GNPDA1: variants seen among roughly 807,000 people sequenced by gnomAD.
GNPDA1 encodes the protein GNPDA 1.
Under a neutral mutation model 28.5 loss-of-function variants are expected in GNPDA1, and 24 were observed. The ratio of observed to expected loss-of-function variants is 0.84; its 90% CI spans 0.61 to 1.19. The LOEUF (loss-of-function observed/expected upper bound fraction) is 1.19. Among genes scored for constraint, GNPDA1 ranks in the 50% most tolerant of loss-of-function variants. The probability of loss-of-function intolerance (pLI) is 0.00; values close to 1 mark genes in which losing one functional copy is unlikely to be tolerated. For synonymous variants in GNPDA1, 147 were observed against 139.3 expected, an observed-to-expected ratio of 1.06 and a Z score of -0.39; for missense variants, 264 against 367.3, an observed-to-expected ratio of 0.72 and a Z score of 2.30.
At chr5:142,011,833 G>T in intron 2 of GNPDA1, 79 bp downstream of exon 2, 1 of 1,534,182 alleles carries the variant, frequency 6.5e-7, no homozygotes, top group Non-Finnish European at 9.0e-7. Context: ...TCCCTTGGCT[G>T]AGTGAGCCGG....
At chr5:142,011,747 G>T (rs1755961255) in intron 2 of GNPDA1, 165 bp downstream of exon 2, 1 of 652,100 alleles carries the variant, frequency 1.5e-6, no homozygotes, top group African/African-American at 1.8e-5. Context: ...AACCCATAAG[G>T]GAAGCTGGGT....
At chr5:142,004,205 G>A (rs369750698) in intron 5 of GNPDA1, among the ~76,000 whole-genome samples, 14 of 152,178 alleles carry the variant, frequency 9.2e-5, no homozygotes, top group African/African-American at 2.6e-4. Context: ...CCCACCCCAC[G>A]TACTGATTGA....
intron 2 of GNPDA1, among the ~76,000 whole-genome samples, chr5:142,010,872 CAT>C (rs1418540716): frequency 6.6e-6 from 1 of 151,768 alleles, no homozygotes; most frequent in Non-Finnish European, 1.5e-5. Flanking sequence ...TATTTTGTGA[CAT>C]GTGAAAATTA....
At chr5:142,010,515 T>TTTC (rs1561573673) in intron 2 of GNPDA1, among the ~76,000 whole-genome samples, 823 of 10,248 alleles carry the variant, frequency 0.08, 12 homozygotes, top group African/African-American at 0.12. Flanking sequence ...TTCTTTCTTT[T>TTTC]TTTTTTTTTT....
chr5:142,004,981 G>T lies in GNPDA1; in HGVS notation c.545C>A (p.Pro182His). Residue 182 changes from proline (P) to histidine (H), a missense_variant, in exon 5 of 7, where the codon CCC becomes CAC. By Grantham distance (77) the Pro-to-His change is moderately conservative. Coordinates refer to ENST00000311337, the MANE Select transcript of GNPDA1 (RefSeq NM_005471.5). The stretch of plus-strand genomic sequence containing the variant: ...CACCCCCACCGTCAAGGCCATGGTG[G>T]GCACCTTGGTGAGTTCTCCATCGAA... ...RFFDGELTKVPTMALTVGVGT... is the reference protein window; with the variant it reads ...RFFDGELTKVHTMALTVGVGT... The T allele has an allele frequency of 6.2e-7, 1 of 1,613,054 alleles. No individual in the cohort carries two copies. Among genetic ancestry groups the T allele is most frequent in the South Asian group, 1.1e-5 (1 of 91,000 alleles).
chr5:142,007,662 C>T, intron 3 of GNPDA1, 137 bp downstream of exon 3: 1 of 646,428 alleles, frequency 1.5e-6, no homozygotes, highest in Non-Finnish European at 2.8e-6. Flanking sequence ...GCTGAGTAAA[C>T]CAAGAGGTAA....
At position 142,008,106 on chromosome 5, in the gene GNPDA1, G is replaced by A. The variant is rs985284265; in HGVS notation, c.125-206C>T. On this transcript the variant is annotated intron_variant, in intron 2 of 6. Transcript: ENST00000311337. The stretch of plus-strand genomic sequence containing the variant: ...CTAGACTGTAAGCTCCAGGAGGGCA[G>A]GACTGTGTCTGCCTTGATCACTGCT... Among the ~76,000 whole-genome samples, 8 of 152,380 alleles carry A rather than the reference G, an allele frequency of 5.3e-5. No individual in the cohort carries two copies. The East Asian group carries it at 1.2e-3, about 22-fold the overall frequency.
chr5:142,007,233 G>A (rs1355040286), intron 3 of GNPDA1, among the ~76,000 whole-genome samples: 1 of 152,148 alleles, frequency 6.6e-6, no homozygotes, highest in Non-Finnish European at 1.5e-5. Flanking sequence ...CATGTTACAT[G>A]TATTTTACCA....
chr5:142,012,827 A>C (rs1051057410), intron 1 of GNPDA1, 168 bp downstream of exon 1: 9 of 183,404 alleles, frequency 4.9e-5, no homozygotes, highest in Non-Finnish European at 9.3e-5. Flanking sequence ...TCGGTGGGGT[A>C]CAGCGTGTCC....
At chr5:142,002,153 G>T in intron 6 of GNPDA1, 24 bp from the exon 7 acceptor site, 1 of 1,277,272 alleles carries the variant, frequency 7.8e-7, no homozygotes. Context: ...AAAACAAAAA[G>T]TAGTTAATTC....
intron 2 of GNPDA1, 113 bp downstream of exon 2, chr5:142,011,799 C>G: frequency 8.1e-7 from 1 of 1,228,568 alleles, no homozygotes; most frequent in Non-Finnish European, 1.2e-6. Flanking sequence ...CTCTCAGCAC[C>G]AGTACCCCAG....
chr5:142,004,126 T>A (rs1208837595), intron 5 of GNPDA1, among the ~76,000 whole-genome samples: 4 of 152,146 alleles, frequency 2.6e-5, no homozygotes, highest in African/African-American at 7.2e-5. Context: ...CAGATCAAGA[T>A]GCCCTCATGA....
chr5:142,006,354 G>A lies in GNPDA1; in HGVS notation c.227-28C>T, dbSNP rs1197784019. On this transcript the variant is annotated intron_variant, in intron 3 of 6. Transcript: ENST00000311337. ...GTGGGGCCGTGAGACACTCGGTTAT[G>A]CCTAGGCCAAGCCAAAGCCCCTCTC... The A allele has an allele frequency of 3.8e-6, 6 of 1,574,990 alleles. No homozygotes were observed. The Admixed American group carries it at 8.4e-5, about 22-fold the overall frequency.
intron 1 of GNPDA1, chr5:142,012,287 C>G: frequency 1.1e-5 from 4 of 360,326 alleles, no homozygotes; most frequent in Non-Finnish European, 2.0e-5. Context: ...CCTTCACTTA[C>G]CACCTGCAGG....
chr5:142,003,391 C>G lies in GNPDA1; in HGVS notation c.595-129G>C. ...GCAACATACTTTTGCTCAGTGCTCC[C>G]TGTGCTTTATCACACAAATAACCCG... On this transcript the variant is annotated intron_variant, in intron 5 of 6. Coordinates refer to ENST00000311337, the MANE Select transcript of GNPDA1 (RefSeq NM_005471.5). The surrounding 1 kb of genome is among the most constrained non-coding windows in gnomAD (Gnocchi z 4.0). The G allele has an allele frequency of 1.7e-6, 1 of 599,054 alleles. No homozygotes were observed. Among genetic ancestry groups the G allele is most frequent in the East Asian group, 2.9e-5 (1 of 34,626 alleles). 37.1% of individuals were successfully genotyped at this position (599,054 alleles called of 1,614,324 possible).
chr5:142,008,001 T>C (rs1325290011), intron 2 of GNPDA1, 101 bp from the exon 3 acceptor site: 2 of 714,094 alleles, frequency 2.8e-6, no homozygotes, highest in Non-Finnish European at 5.1e-6. Flanking sequence ...GGAGAACCTG[T>C]CAGATCTGAA....
chr5:142,007,104 C>T (rs561027940), intron 3 of GNPDA1, among the ~76,000 whole-genome samples: 4 of 152,156 alleles, frequency 2.6e-5, no homozygotes, highest in South Asian at 2.1e-4. Flanking sequence ...TGTTGTTTCA[C>T]GGGTATAGAG....
intron 3 of GNPDA1, among the ~76,000 whole-genome samples, chr5:142,007,022 G>C (rs1755822897): frequency 6.6e-6 from 1 of 152,062 alleles, no homozygotes; most frequent in African/African-American, 2.4e-5. Flanking sequence ...TTTGATTCTA[G>C]AGTAGTCAAA....
chr5:142,009,490 A>C (rs956947883), intron 2 of GNPDA1, among the ~76,000 whole-genome samples: 6 of 152,192 alleles, frequency 3.9e-5, no homozygotes, highest in Non-Finnish European at 8.8e-5. Flanking sequence ...TTATAATTTA[A>C]GCCTCAGAAG....
Sources: allele counts gnomAD v4.1 joint callset (sites outside exome capture counted in the v4.1 genomes callset), GRCh38; gene constraint gnomAD v4.1.1; non-coding constraint Gnocchi (gnomAD v3.1); transcripts MANE v1.5; gene names NCBI Gene and HGNC (gene_info 2026-07-23, HGNC 2026-07-21).